Variants in SLF1 observed in about 807,000 individuals in gnomAD.
SLF1 encodes the protein SMC5/6 complex localization factor 1.
SLF1 carries 105 observed loss-of-function variants against 123.0 expected under a neutral mutation model. The observed-to-expected ratio is 0.85, with a 90% confidence interval of 0.73 to 1.00. The LOEUF (loss-of-function observed/expected upper bound fraction) is 1.00, where lower values mean the gene tolerates loss of function less well. SLF1 is among the 50% of genes least tolerant of loss of function. SLF1 has a pLI of 0.00. For synonymous variants in SLF1, 434 were observed against 406.6 expected (o/e 1.07, Z -0.81); for missense variants, 1,239 against 1,223.0 (o/e 1.01, Z -0.20).
At chr5:94,654,958 A>G (rs17083873) in intron 9 of SLF1, among the ~76,000 whole-genome samples, 17,729 of 152,266 alleles carry the variant, frequency 0.12, 1,414 homozygotes, top group East Asian at 0.32. Flanking sequence ...TTATACCTCA[A>G]TAATGTCACA....
At position 94,671,001 on chromosome 5, in the gene SLF1, C is replaced by A. The variant is rs1439431849; in HGVS notation, c.1820C>A (p.Ser607Tyr). The A allele has an allele frequency of 2.6e-6, 4 of 1,531,238 alleles. No homozygotes were observed. Among genetic ancestry groups the A allele is most frequent in the Non-Finnish European group, 3.5e-6 (4 of 1,130,994 alleles). The allele number at this position is 1,531,238 out of a possible 1,614,324, so 94.9% of individuals were successfully genotyped here. ...TATTCTCACAAGGAAAAATTCAAGT[C>A]TAATGATGTAAGTAGGATTAATTTA... ...TIYSHKEKFK[S>Y]NDVFKHELAY... Residue 607 changes from serine to tyrosine, a missense_variant, in exon 14 of 21, where the codon TCT becomes TAT. Transcript: ENST00000265140.
At chr5:94,641,339 G>C (rs1746427116) in intron 4 of SLF1, among the ~76,000 whole-genome samples, 1 of 152,104 alleles carries the variant, frequency 6.6e-6, no homozygotes, top group Non-Finnish European at 1.5e-5. Flanking sequence ...TTGCTCTTCT[G>C]CTTATCTTCA....
intron 4 of SLF1, 25 bp from the exon 5 acceptor site, chr5:94,643,248 T>G (rs958973562): frequency 2.4e-5 from 35 of 1,474,172 alleles, no homozygotes; most frequent in Non-Finnish European, 3.1e-5. Flanking sequence ...TCTAATACTT[T>G]TATACCATTT....
chr5:94,631,680 T>C (rs138653212), intron 4 of SLF1, among the ~76,000 whole-genome samples: 1 of 152,356 alleles, frequency 6.6e-6, no homozygotes, highest in East Asian at 1.9e-4. Context: ...TTTTTTTGTC[T>C]TTGCTAATAT....
chr5:94,629,386 A>G (rs1434141851), intron 3 of SLF1, among the ~76,000 whole-genome samples: 1 of 150,128 alleles, frequency 6.7e-6, no homozygotes, highest in Non-Finnish European at 1.5e-5. Context: ...ATTTACCTCA[A>G]CAAGGATTTA....
chr5:94,694,809 AT>A (rs1351325161), intron 20 of SLF1, 21 bp from the exon 21 acceptor site: 1 of 1,527,154 alleles, frequency 6.5e-7, no homozygotes, highest in Non-Finnish European at 8.8e-7. Flanking sequence ...TACTTGCAAC[AT>A]TTTGCATTTT....
chr5:94,672,506 C>T (rs1208326560), intron 14 of SLF1, among the ~76,000 whole-genome samples: 2 of 151,678 alleles, frequency 1.3e-5, no homozygotes, highest in Admixed American at 1.3e-4. Flanking sequence ...TCCCTCTTCC[C>T]CCGCCCCATA....
chr5:94,642,502 A>G (rs543636063), intron 4 of SLF1, among the ~76,000 whole-genome samples: 19 of 152,232 alleles, frequency 1.2e-4, no homozygotes, highest in Non-Finnish European at 1.3e-4. Context: ...TTGGTTGTCC[A>G]GTCTCTTCAT....
chr5:94,660,398 G>T (rs1157411063), intron 9 of SLF1, among the ~76,000 whole-genome samples: 1 of 152,182 alleles, frequency 6.6e-6, no homozygotes, highest in Non-Finnish European at 1.5e-5. Flanking sequence ...CCTCTTGATG[G>T]TTGCACAGGC....
At chr5:94,645,019 A>G (rs537747153) in intron 5 of SLF1, among the ~76,000 whole-genome samples, 2 of 152,306 alleles carry the variant, frequency 1.3e-5, no homozygotes, top group African/African-American at 4.8e-5. Context: ...GCAGCAATGG[A>G]TATTGGAAAT....
chr5:94,643,526 T>C, intron 5 of SLF1, 91 bp downstream of exon 5: 1 of 989,436 alleles, frequency 1.0e-6, no homozygotes, highest in Non-Finnish European at 1.4e-6. Context: ...AAAGTTGTGT[T>C]CTAAATTTTG....
chr5:94,692,290 A>G (rs1753123335), intron 20 of SLF1, 34 bp downstream of exon 20: 2 of 1,589,866 alleles, frequency 1.3e-6, no homozygotes, highest in Non-Finnish European at 1.7e-6. Context: ...GTTTTGATAA[A>G]TTATCCAGTT....
At chr5:94,634,066 C>T (rs1745490014) in intron 4 of SLF1, among the ~76,000 whole-genome samples, 1 of 152,034 alleles carries the variant, frequency 6.6e-6, no homozygotes, top group African/African-American at 2.4e-5. Flanking sequence ...TCTTCTTTGA[C>T]CCATTGATTA....
rs150240323 is a variant in SLF1 at position 94,621,823 on chromosome 5, G to T, written c.-1+3058G>T. On this transcript the variant is annotated intron_variant, in intron 1 of 20. Coordinates refer to ENST00000265140, the MANE Select transcript of SLF1 (RefSeq NM_032290.4). ...TGCTTCTTTCCCAAATAATGCTATG[G>T]AAGTAAGAACAGCCCTCAAGTCTCA... 2.7e-3 allele frequency among the ~76,000 whole-genome samples: 414 copies of T among 152,086 alleles called. 1 individual carries two copies. Among genetic ancestry groups the T allele is most frequent in the Non-Finnish European group, 4.8e-3 (324 of 67,984 alleles).
At chr5:94,619,814 C>G (rs1791519874) in intron 1 of SLF1, among the ~76,000 whole-genome samples, 1 of 152,116 alleles carries the variant, frequency 6.6e-6, no homozygotes, top group Non-Finnish European at 1.5e-5. Flanking sequence ...ACCTAAGTTG[C>G]TAGTATGAGG....
At chr5:94,659,542 G>A (rs2065468873) in intron 9 of SLF1, among the ~76,000 whole-genome samples, 1 of 152,186 alleles carries the variant, frequency 6.6e-6, no homozygotes, top group Non-Finnish European at 1.5e-5. Context: ...CTTTAGTTTT[G>A]CCAGATGTGA....
At chr5:94,660,372 TAGGCCTGTTATC>T (rs1485376802) in intron 9 of SLF1, among the ~76,000 whole-genome samples, 1 of 152,204 alleles carries the variant, frequency 6.6e-6, no homozygotes, top group Non-Finnish European at 1.5e-5. Flanking sequence ...GTAGGCCAGG[TAGGCCTGTTATC>T]AGGCCTCTTG....
At chr5:94,636,813 G>T (rs1745854325) in intron 4 of SLF1, among the ~76,000 whole-genome samples, 1 of 148,712 alleles carries the variant, frequency 6.7e-6, no homozygotes, top group African/African-American at 2.5e-5. Flanking sequence ...CTCCTCCTGG[G>T]TTCAAGCGAA....
chr5:94,668,390 G>A (rs1157416623), intron 12 of SLF1, among the ~76,000 whole-genome samples: 1 of 151,824 alleles, frequency 6.6e-6, no homozygotes, highest in Admixed American at 6.6e-5. Flanking sequence ...CTGGAGTGCA[G>A]TGGTGCGATC....
Sources: gnomAD v4.1 joint callset for allele counts (sites outside exome capture counted in the v4.1 genomes callset) on GRCh38, gnomAD v4.1.1 for gene constraint, MANE v1.5 for transcripts, NCBI Gene and HGNC (gene_info 2026-07-23, HGNC 2026-07-21) for gene names.